Variants in GMPS observed in about 807,000 individuals in gnomAD.
The protein encoded by GMPS is GMP synthase [glutamine-hydrolyzing].
In GMPS, 15 loss-of-function variants were observed where a neutral mutation model predicts 77.9. The ratio of observed to expected loss-of-function variants is 0.19; its 90% CI spans 0.13 to 0.30. The LOEUF is 0.30. GMPS is among the 10% of genes least tolerant of loss of function. GMPS has a pLI of 1.00. For synonymous variants in GMPS, 224 were observed against 275.9 expected, an observed-to-expected ratio of 0.81 and a Z score of 1.86; for missense variants, 590 against 838.8, an observed-to-expected ratio of 0.70 and a Z score of 3.66.
rs369389196 is a variant in GMPS at position 155,940,740 on chromosome 3, G to T, written c.*3048G>T. On this transcript the variant is annotated 3_prime_UTR_variant, in exon 16 of 16. Transcript: ENST00000496455. ...AGACAGAATGGAGAAGCTGGATAGTGTTTTTTTTTTTTTTTTTTAAGGTTC... is the reference window on the plus strand; with the variant it reads ...AGACAGAATGGAGAAGCTGGATAGTTTTTTTTTTTTTTTTTTTTAAGGTTC... The T allele has an allele frequency of 2.9e-4, 51 of 175,482 alleles. No individual in the cohort carries two copies. Among genetic ancestry groups the T allele is most frequent in the South Asian group, 4.3e-4 (2 of 4,668 alleles). 10.9% of individuals were successfully genotyped at this position (175,482 alleles called of 1,614,324 possible). A position where few individuals can be genotyped will look rare whatever the true frequency, so the allele number is the denominator to read the frequency against.
chr3:155,914,566 T>G lies in GMPS; in HGVS notation c.1034T>G (p.Val345Gly). 6.4e-7 allele frequency: 1 copy of G among 1,567,722 alleles called. No individual in the cohort carries two copies. The highest frequency in any genetic ancestry group is 2.3e-5 in the East Asian group (1 of 43,482). The part of the protein sequence containing the change: ...EKRKIIGDTF[V>G]KIANEVIGEM... ...AGAAAAATCATTGGGGATACTTTTGTTAAGGTACCTTTGTTTTTAATATCC... is the reference window on the plus strand; with the variant it reads ...AGAAAAATCATTGGGGATACTTTTGGTAAGGTACCTTTGTTTTTAATATCC... Residue 345 changes from valine to glycine, a missense_variant, in exon 8 of 16, where the codon GTT becomes GGT. Val to Gly is a moderately radical substitution (Grantham distance 109). Transcript: ENST00000496455.
chr3:155,898,074 T>G (rs763387373), intron 3 of GMPS, 33 bp downstream of exon 3: 6 of 997,640 alleles, frequency 6.0e-6, no homozygotes, highest in Non-Finnish European at 9.7e-6. Flanking sequence ...AAAGCTTACT[T>G]ATATTTTATT....
chr3:155,931,747 T>C lies in GMPS; in HGVS notation c.1561-18T>C. On this transcript the variant is annotated intron_variant, in intron 12 of 15. Transcript: ENST00000496455. Reference sequence around the variant, plus strand: ...TCTTTTGACTATTAAAAATTATTGATTATCTTTTTATTTTCAGGGTGACTG... The same window carrying C: ...TCTTTTGACTATTAAAAATTATTGACTATCTTTTTATTTTCAGGGTGACTG... 1 of 1,028,290 alleles carries C rather than the reference T, an allele frequency of 9.7e-7. No individual in the cohort carries two copies. The highest frequency in any genetic ancestry group is 1.5e-6 in the Non-Finnish European group (1 of 653,354). 63.7% of individuals were successfully genotyped at this position (1,028,290 alleles called of 1,614,324 possible).
At chr3:155,870,359 T>C (rs11706359), upstream of GMPS, among the ~76,000 whole-genome samples, 72,925 of 146,418 alleles carry the variant, frequency 0.5, 19,457 homozygotes, top group East Asian at 0.63. Context: ...GTTTTTCTCC[T>C]GGCCGGCGCC....
At chr3:155,934,160 C>T (rs1396050209) in intron 13 of GMPS, among the ~76,000 whole-genome samples, 3 of 152,160 alleles carry the variant, frequency 2.0e-5, no homozygotes, top group African/African-American at 4.8e-5. Context: ...TGCATGTTAG[C>T]ATAGTATATT....
chr3:155,889,057 A>G (rs1272791551), intron 1 of GMPS, among the ~76,000 whole-genome samples: 4 of 151,968 alleles, frequency 2.6e-5, no homozygotes, highest in Admixed American at 6.6e-5. Flanking sequence ...GTAACTTTGT[A>G]TGGGATTTAA....
chr3:155,880,475 A>G (rs2108053295), intron 1 of GMPS, among the ~76,000 whole-genome samples: 1 of 152,240 alleles, frequency 6.6e-6, no homozygotes, highest in South Asian at 2.1e-4. Context: ...AAACTCACTA[A>G]TAGGTGTTTT....
At chr3:155,873,638 C>CTATTTTTTTTTTTTTTT (rs1753954776) in intron 1 of GMPS, among the ~76,000 whole-genome samples, 1 of 82,576 alleles carries the variant, frequency 1.2e-5, no homozygotes, top group Non-Finnish European at 2.2e-5. Flanking sequence ...TGAGTAAGTT[C>CTATTTTTTTTTTTTTTT]TTTTTTTTTT....
intron 5 of GMPS, among the ~76,000 whole-genome samples, chr3:155,909,465 T>C (rs369104244): frequency 1.4e-4 from 21 of 152,266 alleles, no homozygotes; most frequent in African/African-American, 4.6e-4. Context: ...CTGAAGTAAC[T>C]TGGGTGGAGA....
intron 1 of GMPS, among the ~76,000 whole-genome samples, chr3:155,872,958 A>G (rs1480677378): frequency 6.6e-6 from 1 of 152,204 alleles, no homozygotes; most frequent in Non-Finnish European, 1.5e-5. Flanking sequence ...GAAATACCTT[A>G]TATCACCTAC....
At chr3:155,892,231 C>G (rs960804125) in intron 1 of GMPS, among the ~76,000 whole-genome samples, 1 of 152,136 alleles carries the variant, frequency 6.6e-6, no homozygotes, top group African/African-American at 2.4e-5. Flanking sequence ...TTTATACATG[C>G]ATACAGACTT....
chr3:155,913,428 C>T lies in GMPS; in HGVS notation c.887-991C>T, dbSNP rs576727466. ...AACAGCTTTGACTCCGTTTAGGAGCCGGTGCTTTTGACTTCTTTGGGGCTA... is the reference window on the plus strand; with the variant it reads ...AACAGCTTTGACTCCGTTTAGGAGCTGGTGCTTTTGACTTCTTTGGGGCTA... On this transcript the variant is annotated intron_variant, in intron 7 of 15. Transcript: ENST00000496455. Among the ~76,000 whole-genome samples the T allele has an allele frequency of 7.9e-5, 12 of 152,084 alleles. No homozygotes were observed. The South Asian group carries it at 1.5e-3, about 18-fold the overall frequency.
At chr3:155,934,350 C>T (rs1755706995) in intron 13 of GMPS, among the ~76,000 whole-genome samples, 1 of 152,168 alleles carries the variant, frequency 6.6e-6, no homozygotes, top group Admixed American at 6.5e-5. Flanking sequence ...GTCATATTCT[C>T]TCTGAAGACT....
intron 12 of GMPS, 82 bp from the exon 13 acceptor site, chr3:155,931,683 T>TTTTTA: frequency 5.0e-6 from 2 of 399,044 alleles, no homozygotes; most frequent in East Asian, 4.6e-5. Flanking sequence ...CTTTTTTTTT[T>TTTTTA]AAAAAAAAAA....
intron 3 of GMPS, among the ~76,000 whole-genome samples, chr3:155,900,813 A>G (rs1199491031): frequency 6.6e-6 from 1 of 152,188 alleles, no homozygotes. Flanking sequence ...CCATAAAATA[A>G]TGATATAGAT....
chr3:155,894,227 G>A (rs191446569), intron 2 of GMPS, among the ~76,000 whole-genome samples: 617 of 152,200 alleles, frequency 4.1e-3, no homozygotes, highest in Middle Eastern at 6.8e-3. Flanking sequence ...TTAATGTCAT[G>A]CTTTCTTTTT....
chr3:155,924,789 A>G (rs1577530838), intron 11 of GMPS, among the ~76,000 whole-genome samples: 1 of 152,230 alleles, frequency 6.6e-6, no homozygotes, highest in East Asian at 1.9e-4. Context: ...TTAGTATAGA[A>G]TAGTAGACAT....
intron 5 of GMPS, among the ~76,000 whole-genome samples, chr3:155,908,645 G>T (rs1009599913): frequency 6.6e-6 from 1 of 152,164 alleles, no homozygotes; most frequent in Non-Finnish European, 1.5e-5. Flanking sequence ...TGAATATGGA[G>T]TGGGGAAGAA....
chr3:155,902,931 A>G (rs1047839095), intron 3 of GMPS, among the ~76,000 whole-genome samples: 5 of 152,202 alleles, frequency 3.3e-5, no homozygotes, highest in Admixed American at 1.3e-4. Context: ...AGTGAGTTCA[A>G]ACCTTTATTG....
Sources: gnomAD v4.1 joint callset for allele counts (sites outside exome capture counted in the v4.1 genomes callset) on GRCh38, gnomAD v4.1.1 for gene constraint, MANE v1.5 for transcripts, NCBI Gene and HGNC (gene_info 2026-07-23, HGNC 2026-07-21) for gene names.